The following TGS1 variants were observed in gnomAD, a reference collection of about 807,000 sequenced individuals.
The protein encoded by TGS1 is trimethylguanosine synthase.
In TGS1, 69 loss-of-function variants were observed where a neutral mutation model predicts 92.2. That is an observed-to-expected ratio of 0.75 (90% confidence interval 0.62 to 0.91). The LOEUF (loss-of-function observed/expected upper bound fraction) is 0.91, where lower values mean the gene tolerates loss of function less well. TGS1 is among the 40% of genes least tolerant of loss of function. The pLI, the probability that TGS1 is intolerant of heterozygous loss-of-function variation, is 0.00. For synonymous variants in TGS1, 345 were observed against 338.1 expected (o/e 1.02, Z -0.22); for missense variants, 1,062 against 1,001.2 (o/e 1.06, Z -0.82).
At chr8:55,804,847 G>T (rs757831834) in intron 9 of TGS1, 46 bp from the exon 10 acceptor site, 15 of 1,578,868 alleles carry the variant, frequency 9.5e-6, no homozygotes, top group Non-Finnish European at 1.3e-5. Flanking sequence ...GCTTGCCTTG[G>T]CTTCTTGAAA....
At position 55,786,926 on chromosome 8, in the gene TGS1, A is replaced by G. The variant is rs1464304089; in HGVS notation, c.1028A>G (p.Asp343Gly). 6.2e-7 allele frequency: 1 copy of G among 1,614,184 alleles called. No homozygotes were observed. Residue 343 changes from aspartate to glycine, a missense_variant, in exon 4 of 13, where the codon GAT becomes GGT. Asp to Gly is a moderately conservative substitution (Grantham distance 94). Transcript: ENST00000260129. Reference sequence around the variant, plus strand: ...CAATTAGATTCCTGTACAAGTCATGATGGTCATCAACAGCTAAGTGAAGTT... The same window carrying G: ...CAATTAGATTCCTGTACAAGTCATGGTGGTCATCAACAGCTAAGTGAAGTT... ...QSQLDSCTSH[D>G]GHQQLSEVSS... is the part of the protein sequence containing the mutation.
chr8:55,799,372 G>C, intron 8 of TGS1, 152 bp downstream of exon 8: 1 of 744,756 alleles, frequency 1.3e-6, no homozygotes, highest in South Asian at 2.0e-5. Context: ...AAGTGTACAT[G>C]TTCTAACTGG....
At position 55,799,073 on chromosome 8, in the gene TGS1, C is replaced by A; in HGVS notation, c.1702C>A (p.Pro568Thr). The A allele has an allele frequency of 6.2e-7, 1 of 1,614,142 alleles. No individual in the cohort carries two copies. Among genetic ancestry groups the A allele is most frequent in the South Asian group, 1.1e-5 (1 of 91,092 alleles). Residue 568 changes from proline (P) to threonine (T), a missense_variant, in exon 8 of 13, where the codon CCA becomes ACA. Physicochemically the swap from Pro to Thr is conservative, Grantham distance 38 (BLOSUM62 -1). Coordinates refer to ENST00000260129, the MANE Select transcript of TGS1 (RefSeq NM_024831.8). Reference sequence around the variant, plus strand: ...TGATGACCTACTGGAGACTAATAATCCAGAACCTGAAAAGTGTCAGAGCGT... The same window carrying A: ...TGATGACCTACTGGAGACTAATAATACAGAACCTGAAAAGTGTCAGAGCGT... ...KGDDLLETNNPEPEKCQSVSS... is the reference protein window; with the variant it reads ...KGDDLLETNNTEPEKCQSVSS...
At chr8:55,780,227 T>C (rs1323055011) in intron 1 of TGS1, among the ~76,000 whole-genome samples, 1 of 149,574 alleles carries the variant, frequency 6.7e-6, no homozygotes, top group East Asian at 2.0e-4. Context: ...TGGAGTGCAG[T>C]AGTATGATCA....
intron 10 of TGS1, 56 bp downstream of exon 10, chr8:55,805,092 T>C (rs1812330200): frequency 6.6e-7 from 1 of 1,516,786 alleles, no homozygotes; most frequent in African/African-American, 1.4e-5. Flanking sequence ...TCAGTAAATG[T>C]TTCCATTTTG....
At chr8:55,797,724 A>G (rs542633014) in intron 7 of TGS1, among the ~76,000 whole-genome samples, 1 of 152,298 alleles carries the variant, frequency 6.6e-6, no homozygotes, top group Non-Finnish European at 1.5e-5. Flanking sequence ...AACACTTTCT[A>G]ATGAGCAGAA....
chr8:55,798,820 C>A, intron 7 of TGS1, 94 bp from the exon 8 acceptor site: 1 of 1,023,856 alleles, frequency 9.8e-7, no homozygotes, highest in Non-Finnish European at 1.4e-6. Context: ...AATTTTGACA[C>A]AGCTTTTCAG....
chr8:55,805,636 G>A (rs1264565599), intron 10 of TGS1, among the ~76,000 whole-genome samples: 4 of 151,786 alleles, frequency 2.6e-5, no homozygotes, highest in Admixed American at 1.3e-4. Context: ...CTGTAATCCC[G>A]GCACTTTGGT....
intron 12 of TGS1, among the ~76,000 whole-genome samples, chr8:55,818,860 G>T (rs1248008383): frequency 1.3e-5 from 2 of 152,200 alleles, no homozygotes; most frequent in Non-Finnish European, 2.9e-5. Flanking sequence ...TTGTTGAATT[G>T]AACAGTCTTC....
At chr8:55,774,173 C>A (rs1489124768) in intron 1 of TGS1, among the ~76,000 whole-genome samples, 1 of 152,104 alleles carries the variant, frequency 6.6e-6, no homozygotes, top group African/African-American at 2.4e-5. Flanking sequence ...AAGACTTAAC[C>A]ATATTTACAT....
chr8:55,790,702 A>T (rs977890338), intron 5 of TGS1, among the ~76,000 whole-genome samples: 5 of 152,064 alleles, frequency 3.3e-5, no homozygotes, highest in Non-Finnish European at 7.4e-5. Flanking sequence ...AATTTTTTAT[A>T]GAGACAGGGT....
At chr8:55,779,607 C>T (rs1047466116) in intron 1 of TGS1, among the ~76,000 whole-genome samples, 2 of 152,216 alleles carry the variant, frequency 1.3e-5, no homozygotes, top group Admixed American at 6.5e-5. Flanking sequence ...GCTTAATTCA[C>T]GGCCCACAGT....
chr8:55,789,651 CA>C (rs1307977560), intron 4 of TGS1, among the ~76,000 whole-genome samples: 1 of 152,130 alleles, frequency 6.6e-6, no homozygotes, highest in Non-Finnish European at 1.5e-5. Flanking sequence ...TCGAATCAGG[CA>C]GCCCCAAGAG....
chr8:55,785,058 G>GTTTTTTTTTTTTTTTTTTTTT (rs1262385274), intron 2 of TGS1, among the ~76,000 whole-genome samples: 4 of 143,588 alleles, frequency 2.8e-5, no homozygotes, highest in African/African-American at 5.3e-5. Flanking sequence ...GGTGTTTTTT[G>GTTTTTTTTTTTTTTTTTTTTT]TTTTTTGTTT....
intron 12 of TGS1, among the ~76,000 whole-genome samples, chr8:55,824,109 C>CT (rs1244796943): frequency 8.6e-5 from 13 of 151,976 alleles, no homozygotes; most frequent in Admixed American, 8.5e-4. Context: ...GAGTAGGACT[C>CT]TATCTCAAAA....
chr8:55,786,189 T>C (rs1233225355), intron 3 of TGS1, 49 bp from the exon 4 acceptor site: 10 of 1,016,876 alleles, frequency 9.8e-6, no homozygotes, highest in Non-Finnish European at 1.4e-5. Flanking sequence ...CTACTTTCTT[T>C]TATAGTTCAT....
At position 55,787,042 on chromosome 8, in the gene TGS1, A is replaced by G. The variant is rs1379503454; in HGVS notation, c.1144A>G (p.Thr382Ala). ...AAGCAACTCATCGGGGAATACAAAC[A>G]CAGACCCACCAGCTGAGGGTAAGAT... ...EESNSSGNTN[T>A]DPPAEDSQKS... The change falls in exon 4 of 13, where the codon ACA becomes GCA. Residue 382 changes from threonine (T) to alanine (A), a missense_variant. Coordinates refer to ENST00000260129, the MANE Select transcript of TGS1 (RefSeq NM_024831.8). The G allele has an allele frequency of 1.9e-6, 3 of 1,611,944 alleles. No individual in the cohort carries two copies. Among genetic ancestry groups the G allele is most frequent in the South Asian group, 1.1e-5 (1 of 90,646 alleles).
rs1811278894 is a variant in TGS1 at position 55,773,579 on chromosome 8, C to T, written c.-40C>T. Reference sequence around the variant, plus strand: ...CCGAGCGGAGGCCCGGCAGGCGCGACCCGGGCTGCGTACGTCAGAGCTGCC... The same window carrying T: ...CCGAGCGGAGGCCCGGCAGGCGCGATCCGGGCTGCGTACGTCAGAGCTGCC... On this transcript the variant is annotated 5_prime_UTR_variant, in exon 1 of 13. Coordinates refer to ENST00000260129, the MANE Select transcript of TGS1 (RefSeq NM_024831.8). 7 of 1,533,054 alleles carry T rather than the reference C, an allele frequency of 4.6e-6. No homozygotes were observed. The highest frequency in any genetic ancestry group is 5.3e-6 in the Non-Finnish European group (6 of 1,121,800). 95.0% of individuals were successfully genotyped at this position (1,533,054 alleles called of 1,614,324 possible). A position where few individuals can be genotyped will look rare whatever the true frequency, so the allele number is the denominator to read the frequency against.
intron 1 of TGS1, among the ~76,000 whole-genome samples, chr8:55,779,008 G>A (rs1374045252): frequency 1.3e-5 from 2 of 152,140 alleles, no homozygotes; most frequent in African/African-American, 4.8e-5. Flanking sequence ...TACAATCCAG[G>A]TTGGGTCTTC....
Sources: allele counts gnomAD v4.1 joint callset (sites outside exome capture counted in the v4.1 genomes callset), GRCh38; gene constraint gnomAD v4.1.1; transcripts MANE v1.5; gene names NCBI Gene and HGNC (gene_info 2026-07-23, HGNC 2026-07-21).